MYO1D: variants seen among roughly 807,000 people sequenced by gnomAD.
MYO1D encodes the protein unconventional myosin-Id.
A neutral mutation model predicts 122.0 loss-of-function variants in MYO1D; 83 were observed. That is an observed-to-expected ratio of 0.68 (90% confidence interval 0.57 to 0.82). MYO1D has a LOEUF of 0.82. Among genes scored for constraint, MYO1D ranks in the 40% least tolerant of loss-of-function variants. The pLI, the probability that MYO1D is intolerant of heterozygous loss-of-function variation, is 0.00. For missense variants in MYO1D, 1,157 were observed against 1,269.5 expected (o/e 0.91, Z 1.35); for synonymous variants, 464 against 446.9 (o/e 1.04, Z -0.48).
chr17:32,645,937 T>G (rs2088287340), intron 19 of MYO1D, among the ~76,000 whole-genome samples: 1 of 152,226 alleles, frequency 6.6e-6, no homozygotes, highest in Non-Finnish European at 1.5e-5. Flanking sequence ...TTTGTTCCAT[T>G]GCTGGTGAGG....
intron 21 of MYO1D, chr17:32,495,786 C>G: frequency 6.6e-6 from 1 of 152,356 alleles, no homozygotes; most frequent in Non-Finnish European, 1.5e-5. Context: ...CTTGTCAGCT[C>G]TGAGCTGGGA....
At chr17:32,835,758 GCTT>G (rs1401901937) in intron 1 of MYO1D, among the ~76,000 whole-genome samples, 1 of 152,096 alleles carries the variant, frequency 6.6e-6, no homozygotes, top group East Asian at 1.9e-4. Context: ...ACCTGGTCAT[GCTT>G]CTTCTGAATT....
intron 21 of MYO1D, among the ~76,000 whole-genome samples, chr17:32,580,097 A>T (rs918299983): frequency 3.3e-5 from 5 of 152,194 alleles, no homozygotes; most frequent in Admixed American, 3.3e-4. Context: ...GACAATACAA[A>T]TTATTCAATT....
chr17:32,871,831 G>A (rs1244303513), intron 1 of MYO1D, among the ~76,000 whole-genome samples: 5 of 152,222 alleles, frequency 3.3e-5, no homozygotes, highest in South Asian at 2.1e-4. Flanking sequence ...CTCTCAGAGG[G>A]AGGGTGCAAA....
chr17:32,515,556 T>C (rs950579871), intron 21 of MYO1D, among the ~76,000 whole-genome samples: 1 of 152,198 alleles, frequency 6.6e-6, no homozygotes. Context: ...CCTCCCAAAG[T>C]GTTGGTATTA....
At chr17:32,619,914 T>C (rs2087832383) in intron 20 of MYO1D, among the ~76,000 whole-genome samples, 1 of 152,218 alleles carries the variant, frequency 6.6e-6, no homozygotes, top group East Asian at 1.9e-4. Flanking sequence ...TTAGATATGA[T>C]GAGTGATTTT....
intron 20 of MYO1D, among the ~76,000 whole-genome samples, chr17:32,631,648 TAAAAA>T (rs879354700): frequency 1.4e-5 from 2 of 143,522 alleles, no homozygotes; most frequent in Admixed American, 1.4e-4. Flanking sequence ...ACCCGTCTCT[TAAAAA>T]AAAAAAAGGT....
intron 17 of MYO1D, 106 bp downstream of exon 17, chr17:32,659,009 A>G: frequency 4.6e-6 from 5 of 1,085,304 alleles, no homozygotes; most frequent in Admixed American, 4.2e-5. Flanking sequence ...GGTAAATGTC[A>G]TAACAGCAAA....
At chr17:32,733,002 C>T (rs1280590806) in intron 14 of MYO1D, among the ~76,000 whole-genome samples, 1 of 152,230 alleles carries the variant, frequency 6.6e-6, no homozygotes, top group Non-Finnish European at 1.5e-5. Context: ...GAACCAGTGT[C>T]TGTGCCGGCA....
chr17:32,683,364 C>T (rs998380537), intron 16 of MYO1D, among the ~76,000 whole-genome samples: 5 of 152,110 alleles, frequency 3.3e-5, no homozygotes, highest in African/African-American at 7.2e-5. Context: ...TCTGTTTTTT[C>T]CCCATCTTTG....
chr17:32,648,679 T>A (rs948833203), intron 19 of MYO1D, among the ~76,000 whole-genome samples: 2 of 152,212 alleles, frequency 1.3e-5, no homozygotes, highest in Non-Finnish European at 2.9e-5. Flanking sequence ...CTCAAAATTA[T>A]GGGGTTTGGA....
At chr17:32,662,440 A>C (rs2088579085) in intron 16 of MYO1D, among the ~76,000 whole-genome samples, 1 of 152,220 alleles carries the variant, frequency 6.6e-6, no homozygotes, top group Non-Finnish European at 1.5e-5. Context: ...TGGGAGGCCA[A>C]GGTGGGCGGA....
rs762031275 is a variant in MYO1D, at chr17:32,754,133, C to T, written c.1467+1359G>A. On this transcript the variant is annotated intron_variant, in intron 11 of 21. Transcript: ENST00000318217. Reference sequence around the variant, plus strand: ...TAAATGTCTACCATCTGGTAGGCACCGTGCTAAGTGAGTCTCCAAACCTGA... The same window carrying T: ...TAAATGTCTACCATCTGGTAGGCACTGTGCTAAGTGAGTCTCCAAACCTGA... Among the ~76,000 whole-genome samples, 14 of 152,186 alleles carry T rather than the reference C, an allele frequency of 9.2e-5. No homozygotes were observed. The South Asian group carries it at 1.7e-3, about 18-fold the overall frequency.
intron 14 of MYO1D, among the ~76,000 whole-genome samples, chr17:32,724,744 A>G (rs753102231): frequency 1.3e-5 from 2 of 152,194 alleles, no homozygotes; most frequent in Non-Finnish European, 2.9e-5. Flanking sequence ...AAGTAGAAGG[A>G]GGCAGTCCTT....
At position 32,494,472 on chromosome 17, in the gene MYO1D, AG is replaced by A. The variant is rs1229878602; in HGVS notation, c.*286del. The A allele has an allele frequency of 9.6e-6, 4 of 415,728 alleles. No individual in the cohort carries two copies. The highest frequency in any genetic ancestry group is 8.3e-5 in the Admixed American group (2 of 23,982). 25.8% of individuals were successfully genotyped at this position (415,728 alleles called of 1,614,324 possible). A position where few individuals can be genotyped will look rare whatever the true frequency, so the allele number is the denominator to read the frequency against. Reference sequence around the variant, plus strand: ...GCCACGGGGCATCCGCACCAACTAAAGGCACCATCCAGTTGCCTCTGGGGTG... The same window carrying A: ...GCCACGGGGCATCCGCACCAACTAAAGCACCATCCAGTTGCCTCTGGGGTG... On this transcript the variant is annotated 3_prime_UTR_variant, in exon 22 of 22. Transcript: ENST00000318217.
chr17:32,530,661 TGTG>T (rs1007646452), intron 21 of MYO1D, among the ~76,000 whole-genome samples: 6 of 152,056 alleles, frequency 3.9e-5, no homozygotes, highest in African/African-American at 9.7e-5. Flanking sequence ...ATCAGCCAGG[TGTG>T]GTGGTGCATG....
At chr17:32,591,800 C>G (rs1005157163) in intron 21 of MYO1D, among the ~76,000 whole-genome samples, 1 of 152,136 alleles carries the variant, frequency 6.6e-6, no homozygotes, top group African/African-American at 2.4e-5. Flanking sequence ...ATAGGGATCA[C>G]CTGGGTAGCT....
At chr17:32,703,633 A>G (rs2089273899) in intron 16 of MYO1D, among the ~76,000 whole-genome samples, 1 of 152,114 alleles carries the variant, frequency 6.6e-6, no homozygotes, top group Non-Finnish European at 1.5e-5. Context: ...ACATAACTAT[A>G]AACTATATAT....
At chr17:32,793,846 T>C (rs2090384550) in intron 1 of MYO1D, among the ~76,000 whole-genome samples, 1 of 152,222 alleles carries the variant, frequency 6.6e-6, no homozygotes, top group South Asian at 2.1e-4. Context: ...TCAACTGATA[T>C]AGTACCTTTC....
Sources: gnomAD v4.1 joint callset for allele counts (sites outside exome capture counted in the v4.1 genomes callset) on GRCh38, gnomAD v4.1.1 for gene constraint, MANE v1.5 for transcripts, NCBI Gene and HGNC (gene_info 2026-07-23, HGNC 2026-07-21) for gene names.